Variants in CACNA2D3 observed in about 807,000 individuals in gnomAD.
The protein encoded by CACNA2D3 is voltage-dependent calcium channel subunit alpha-2/delta-3.
In CACNA2D3, 60 loss-of-function variants were observed where a neutral mutation model predicts 160.6. The observed-to-expected ratio is 0.37, with a 90% CI of 0.30 to 0.46. The LOEUF is 0.46. Among genes scored for constraint, CACNA2D3 ranks in the 20% least tolerant of loss-of-function variants. The pLI is 1.00. For missense variants in CACNA2D3, 1,205 were observed against 1,365.0 expected (o/e 0.88, Z 1.85); for synonymous variants, 558 against 492.9 (o/e 1.13, Z -1.75).
At chr3:54,410,281 G>A (rs756671948) in intron 4 of CACNA2D3, among the ~76,000 whole-genome samples, 2 of 152,140 alleles carry the variant, frequency 1.3e-5, no homozygotes, top group Non-Finnish European at 2.9e-5. Flanking sequence ...TTGAACCCGG[G>A]AGGTGGAGGA....
At chr3:55,049,260 A>G (rs1704133129) in intron 35 of CACNA2D3, among the ~76,000 whole-genome samples, 1 of 146,444 alleles carries the variant, frequency 6.8e-6, no homozygotes, top group Non-Finnish European at 1.5e-5. Flanking sequence ...ATTTCCCTCT[A>G]CACACTGCTT....
chr3:54,941,817 G>A (rs1305736988), intron 27 of CACNA2D3, among the ~76,000 whole-genome samples: 3 of 152,188 alleles, frequency 2.0e-5, no homozygotes, highest in Admixed American at 6.5e-5. Context: ...TCTGGGGAGA[G>A]GCTTCAGGGA....
At chr3:54,752,862 T>A (rs1034460247) in intron 12 of CACNA2D3, among the ~76,000 whole-genome samples, 185 bp downstream of exon 12, 2 of 149,550 alleles carry the variant, frequency 1.3e-5, no homozygotes, top group Non-Finnish European at 3.0e-5. Flanking sequence ...GTTCTTTTTT[T>A]TTTTATTTTT....
intron 3 of CACNA2D3, among the ~76,000 whole-genome samples, chr3:54,379,147 A>G (rs886133855): frequency 2.0e-5 from 3 of 152,162 alleles, no homozygotes; most frequent in African/African-American, 4.8e-5. Flanking sequence ...TGTTTTCTCT[A>G]TTGTTCTGTT....
intron 17 of CACNA2D3, among the ~76,000 whole-genome samples, chr3:54,869,461 G>A (rs1256293763): frequency 2.0e-5 from 3 of 152,166 alleles, no homozygotes; most frequent in Non-Finnish European, 2.9e-5. Flanking sequence ...TTAGTAGTAG[G>A]TATACAATAA....
intron 4 of CACNA2D3, among the ~76,000 whole-genome samples, chr3:54,426,578 T>C (rs1223350549): frequency 6.6e-6 from 1 of 152,222 alleles, no homozygotes; most frequent in Non-Finnish European, 1.5e-5. Flanking sequence ...ATGATAGTGT[T>C]TCAGCATTCC....
intron 2 of CACNA2D3, among the ~76,000 whole-genome samples, chr3:54,234,266 A>G (rs1454940886): frequency 6.6e-6 from 1 of 152,230 alleles, no homozygotes; most frequent in Non-Finnish European, 1.5e-5. Flanking sequence ...AGAGAAATGC[A>G]AATCAAAACT....
At chr3:54,480,489 C>G (rs1700915400) in intron 4 of CACNA2D3, among the ~76,000 whole-genome samples, 1 of 152,006 alleles carries the variant, frequency 6.6e-6, no homozygotes, top group Non-Finnish European at 1.5e-5. Flanking sequence ...ATTTTTAGTT[C>G]CCCTGTAGTA....
chr3:54,509,510 G>A (rs1288910219), intron 5 of CACNA2D3, among the ~76,000 whole-genome samples: 2 of 152,162 alleles, frequency 1.3e-5, no homozygotes, highest in East Asian at 1.9e-4. Context: ...CCATAACTTG[G>A]TATTGGGAGT....
At chr3:54,586,259 T>G (rs1292466207) in intron 9 of CACNA2D3, among the ~76,000 whole-genome samples, 1 of 54,860 alleles carries the variant, frequency 1.8e-5, no homozygotes, top group Non-Finnish European at 3.4e-5. Flanking sequence ...GCGAGATCCA[T>G]CTCAAAAAAA....
At chr3:54,471,102 T>C (rs1296957899) in intron 4 of CACNA2D3, among the ~76,000 whole-genome samples, 1 of 152,188 alleles carries the variant, frequency 6.6e-6, no homozygotes, top group Non-Finnish European at 1.5e-5. Context: ...ATAAACAGAA[T>C]GTACATCCTT....
At chr3:54,670,331 G>A (rs1700137336) in intron 11 of CACNA2D3, among the ~76,000 whole-genome samples, 1 of 152,164 alleles carries the variant, frequency 6.6e-6, no homozygotes. Flanking sequence ...TTTCCTCCTG[G>A]AGTTCATAGG....
chr3:54,470,681 A>G, intron 4 of CACNA2D3, among the ~76,000 whole-genome samples: 1 of 151,106 alleles, frequency 6.6e-6, no homozygotes, highest in East Asian at 2.0e-4. Context: ...CTGTATTCAA[A>G]GGCACCCATA....
At chr3:54,768,324 A>G (rs4955893) in intron 13 of CACNA2D3, among the ~76,000 whole-genome samples, 11,910 of 152,256 alleles carry the variant, frequency 0.078, 822 homozygotes, top group East Asian at 0.31. Context: ...GACACATCAC[A>G]CTTATGTATT....
intron 9 of CACNA2D3, among the ~76,000 whole-genome samples, chr3:54,610,354 T>G (rs1014025394): frequency 6.6e-6 from 1 of 152,184 alleles, no homozygotes; most frequent in African/African-American, 2.4e-5. Flanking sequence ...CGTTTTTGCT[T>G]CTTTCAGGCT....
At chr3:55,060,925 A>G (rs1367457522) in intron 35 of CACNA2D3, among the ~76,000 whole-genome samples, 2 of 152,180 alleles carry the variant, frequency 1.3e-5, no homozygotes, top group Non-Finnish European at 2.9e-5. Context: ...CCATATTTCA[A>G]ACACAAAATA....
intron 2 of CACNA2D3, among the ~76,000 whole-genome samples, chr3:54,272,490 T>C (rs1702641283): frequency 6.6e-6 from 1 of 152,150 alleles, no homozygotes; most frequent in Non-Finnish European, 1.5e-5. Flanking sequence ...CCTACACTGC[T>C]TGGAGAACAG....
chr3:55,073,624 A>ACCTGGGGGAGAAATATTAGAGAAGG, intron 36 of CACNA2D3, 67 bp downstream of exon 36: 2 of 1,354,462 alleles, frequency 1.5e-6, no homozygotes, highest in Non-Finnish European at 2.1e-6. Flanking sequence ...TGGTAAGGAA[A>ACCTGGGGGAGAAATATTAGAGAAGG]CCTGGGGGAG....
intron 5 of CACNA2D3, among the ~76,000 whole-genome samples, chr3:54,562,208 T>C (rs1027432142): frequency 2.0e-5 from 3 of 152,164 alleles, no homozygotes; most frequent in African/African-American, 4.8e-5. Flanking sequence ...CATGTGCTGG[T>C]CAAAGGGTAC....
Sources: gnomAD v4.1 joint callset for allele counts (sites outside exome capture counted in the v4.1 genomes callset) on GRCh38, gnomAD v4.1.1 for gene constraint, MANE v1.5 for transcripts, NCBI Gene and HGNC (gene_info 2026-07-23, HGNC 2026-07-21) for gene names.